SULT6B1: variants seen among roughly 807,000 people sequenced by gnomAD.
SULT6B1 encodes the protein sulfotransferase family 6B member 1.
Under a neutral mutation model 37.2 loss-of-function variants are expected in SULT6B1, and 44 were observed. That is an observed-to-expected ratio of 1.18 (90% CI 0.93 to 1.52). The LOEUF (loss-of-function observed/expected upper bound fraction) is 1.52. Ranked by LOEUF, SULT6B1 falls within the 40% of genes most tolerant of loss-of-function variation. The probability of loss-of-function intolerance (pLI) is 0.00; values close to 1 mark genes in which losing one functional copy is unlikely to be tolerated. For missense variants in SULT6B1, 450 were observed against 361.0 expected (o/e 1.25, Z -2.00); for synonymous variants, 140 against 126.0 (o/e 1.11, Z -0.74).
intron 2 of SULT6B1, 40 bp downstream of exon 2, chr2:37,187,315 A>G (rs1387461191): frequency 1.5e-6 from 2 of 1,294,086 alleles, no homozygotes; most frequent in Non-Finnish European, 2.2e-6. Flanking sequence ...AAATCTTTCT[A>G]TGATAATTTG....
At chr2:37,182,743 G>C (rs62134999) in intron 3 of SULT6B1, among the ~76,000 whole-genome samples, 3 of 151,958 alleles carry the variant, frequency 2.0e-5, no homozygotes, top group Admixed American at 6.6e-5. Context: ...AAACAGAAAG[G>C]GTTGGGTAAA....
chr2:37,168,221 G>A (rs752368758), intron 6 of SULT6B1, among the ~76,000 whole-genome samples, 156 bp from the exon 7 acceptor site: 11 of 152,106 alleles, frequency 7.2e-5, no homozygotes, highest in South Asian at 2.1e-4. Flanking sequence ...ACGGTGTCTC[G>A]CTCTGTTGCC....
intron 5 of SULT6B1, among the ~76,000 whole-genome samples, chr2:37,173,838 C>T (rs1299993846): frequency 6.6e-6 from 1 of 152,208 alleles, no homozygotes; most frequent in Non-Finnish European, 1.5e-5. Flanking sequence ...GCCCTCTTTA[C>T]AGCCCTCCCA....
Position 37,179,535 on chromosome 2 carries a change from T to TG in SULT6B1, c.451dup (p.His151ProfsTer17). The TG allele has an allele frequency of 1.2e-6, 2 of 1,613,842 alleles. No homozygotes were observed. Among genetic ancestry groups the TG allele is most frequent in the Non-Finnish European group, 1.7e-6 (2 of 1,179,864 alleles). On this transcript the variant is annotated frameshift_variant, in exon 4 of 7. Coordinates refer to ENST00000535679, the MANE Select transcript of SULT6B1 (RefSeq NM_001367551.1). LOFTEE classifies it high-confidence loss of function. ...AATATCGGGGACATCGTTGTGGAAA[T>TG]GCAAAAAAGATACTGCTGTATCTTT...
At chr2:37,183,356 A>G (rs1676596827) in intron 3 of SULT6B1, 69 bp downstream of exon 3, 1 of 1,212,322 alleles carries the variant, frequency 8.2e-7, no homozygotes, top group Non-Finnish European at 1.2e-6. Context: ...CAAACTCATG[A>G]TCTACTTCCA....
At chr2:37,181,444 C>T (rs980954781) in intron 3 of SULT6B1, among the ~76,000 whole-genome samples, 3 of 152,074 alleles carry the variant, frequency 2.0e-5, no homozygotes, top group Non-Finnish European at 2.9e-5. Context: ...TGCAGTGGCG[C>T]GATCTCACTC....
rs554089351 is a variant in SULT6B1 at position 37,185,044 on chromosome 2, C to A, written c.313-1530G>T. 8.1e-4 allele frequency among the ~76,000 whole-genome samples: 123 copies of A among 152,038 alleles called. 3 individuals are homozygous for A. The highest frequency in any genetic ancestry group is 6.8e-3 in the Middle Eastern group (2 of 294). ...AATCCTCTTAGGTAGATATCGTAAC[C>A]CCCATTTTAGAGATTAAGAACAGGC... On this transcript the variant is annotated intron_variant, in intron 2 of 6. Coordinates refer to ENST00000535679, the MANE Select transcript of SULT6B1 (RefSeq NM_001367551.1).
chr2:37,179,309 T>G (rs1024632639), intron 4 of SULT6B1, 149 bp downstream of exon 4: 32 of 981,756 alleles, frequency 3.3e-5, no homozygotes, highest in Non-Finnish European at 4.8e-5. Context: ...TGCACAGAAC[T>G]AATGGTGCTA....
chr2:37,182,871 C>A (rs1221941579), intron 3 of SULT6B1, among the ~76,000 whole-genome samples: 1 of 152,146 alleles, frequency 6.6e-6, no homozygotes, highest in African/African-American at 2.4e-5. Flanking sequence ...TTTGTTACTA[C>A]ATGTGAAATT....
chr2:37,192,126 G>A (rs1335676956), upstream of SULT6B1, among the ~76,000 whole-genome samples: 9 of 152,200 alleles, frequency 5.9e-5, no homozygotes. Context: ...AAGCAGCCAA[G>A]AAAAAACCTG....
chr2:37,171,100 G>A (rs1390043276), intron 6 of SULT6B1, among the ~76,000 whole-genome samples: 1 of 152,148 alleles, frequency 6.6e-6, no homozygotes, highest in Non-Finnish European at 1.5e-5. Flanking sequence ...TTAACTGGGT[G>A]TGGTGGCACG....
rs544714209 is a variant in SULT6B1 at position 37,175,233 on chromosome 2, A to C, written c.530-7T>G. The C allele has an allele frequency of 1.2e-5, 18 of 1,524,510 alleles. No homozygotes were observed. The highest frequency in any genetic ancestry group is 4.1e-4 in the Middle Eastern group (2 of 4,876). 94.4% of individuals were successfully genotyped at this position (1,524,510 alleles called of 1,614,324 possible). A position where few individuals can be genotyped will look rare whatever the true frequency, so the allele number is the denominator to read the frequency against. ...AAATACCTTCCCCAAGAAACTAAAAACACAGGGGGGAAGACTTTAAGAAAT... is the reference window on the plus strand; with the variant it reads ...AAATACCTTCCCCAAGAAACTAAAACCACAGGGGGGAAGACTTTAAGAAAT... On this transcript the variant is annotated splice_polypyrimidine_tract_variant and splice_region_variant and intron_variant, in intron 4 of 6. Coordinates refer to ENST00000535679, the MANE Select transcript of SULT6B1 (RefSeq NM_001367551.1).
intron 2 of SULT6B1, among the ~76,000 whole-genome samples, chr2:37,186,532 G>T (rs78729426): frequency 0.023 from 3,530 of 152,178 alleles, 65 homozygotes; most frequent in Middle Eastern, 0.054. Context: ...CGTACTCTCT[G>T]AGCTAATGCT....
rs115865644 is a variant in SULT6B1 at position 37,187,334 on chromosome 2, T to G, written c.312+21A>C. The G allele has an allele frequency of 1.0e-3, 1,454 of 1,454,552 alleles. 12 individuals are homozygous for G. The African/African-American group carries it at 0.017, about 17-fold the overall frequency. 90.1% of individuals were successfully genotyped at this position (1,454,552 alleles called of 1,614,324 possible). A position where few individuals can be genotyped will look rare whatever the true frequency, so the allele number is the denominator to read the frequency against. ...CTTTCTATGATAATTTGCTGTAAGG[T>G]TAAAGGCTGGTTGTACTAACCTGAT... On this transcript the variant is annotated intron_variant, in intron 2 of 6. Coordinates refer to ENST00000535679, the MANE Select transcript of SULT6B1 (RefSeq NM_001367551.1).
chr2:37,194,530 T>C, intron 1 of SULT6B1: 20 of 389,128 alleles, frequency 5.1e-5, no homozygotes, highest in South Asian at 4.2e-4. Flanking sequence ...CAAAGACAAC[T>C]TTATTGAGCC....
At chr2:37,176,712 T>A (rs1211682413) in intron 4 of SULT6B1, among the ~76,000 whole-genome samples, 1 of 152,156 alleles carries the variant, frequency 6.6e-6, no homozygotes, top group Non-Finnish European at 1.5e-5. Context: ...ACATCCTCTT[T>A]CTTGTTGCTA....
intron 4 of SULT6B1, among the ~76,000 whole-genome samples, chr2:37,176,105 G>A (rs966236208): frequency 1.3e-5 from 2 of 152,116 alleles, no homozygotes; most frequent in Admixed American, 6.6e-5. Context: ...ACACTGGTCA[G>A]CTGTGCTGGT....
At chr2:37,193,608 A>AGAAGAAGAAGAAGAAGAG (rs1273060066), upstream of SULT6B1, among the ~76,000 whole-genome samples, 18 of 137,112 alleles carry the variant, frequency 1.3e-4, no homozygotes, top group African/African-American at 5.0e-4. Flanking sequence ...AAGAAGAAGA[A>AGAAGAAGAAGAAGAAGAG]GAAGAAGAAG....
intron 4 of SULT6B1, among the ~76,000 whole-genome samples, chr2:37,177,411 CAAAAAAAAAAAA>C (rs57205863): frequency 3.9e-5 from 3 of 76,294 alleles, no homozygotes; most frequent in Non-Finnish European, 7.3e-5. Context: ...AATCTTGTCT[CAAAAAAAAAAAA>C]AAAAAAAAAA....
Sources: allele counts gnomAD v4.1 joint callset (sites outside exome capture counted in the v4.1 genomes callset), GRCh38; gene constraint gnomAD v4.1.1; transcripts MANE v1.5; gene names NCBI Gene and HGNC (gene_info 2026-07-23, HGNC 2026-07-21).